GIMAP5: variants seen among roughly 807,000 people sequenced by gnomAD.
GIMAP5 encodes the protein GTPase IMAP family member 5.
GIMAP5 carries 8 observed loss-of-function variants against 9.9 expected under a neutral mutation model. That is an observed-to-expected ratio of 0.81 (90% CI 0.47 to 1.45). The LOEUF (loss-of-function observed/expected upper bound fraction) is 1.45, where lower values mean the gene tolerates loss of function less well. Ranked by LOEUF, GIMAP5 falls within the 40% of genes most tolerant of loss-of-function variation. The probability of loss-of-function intolerance (pLI) is 0.00; values close to 1 mark genes in which losing one functional copy is unlikely to be tolerated. For missense variants in GIMAP5, 353 were observed against 367.4 expected, an observed-to-expected ratio of 0.96 and a Z score of 0.32; for synonymous variants, 174 against 151.4, an observed-to-expected ratio of 1.15 and a Z score of -1.09.
chr7:150,737,529 A>C lies in GIMAP5; in HGVS notation c.-186A>C. 1 of 1,535,610 alleles carries C rather than the reference A, an allele frequency of 6.5e-7. No individual in the cohort carries two copies. Among genetic ancestry groups the C allele is most frequent in the South Asian group, 1.2e-5 (1 of 84,064 alleles). On this transcript the variant is annotated 5_prime_UTR_variant, in exon 1 of 3. Coordinates refer to ENST00000358647, the MANE Select transcript of GIMAP5 (RefSeq NM_018384.5). ...GCTGAGTCATGGAGCTTTCAGCCCC[A>C]GCACATGGCTCCTCCTTAACTGCGT...
intron 2 of GIMAP5, among the ~76,000 whole-genome samples, chr7:150,741,683 G>C (rs1797597143): frequency 6.6e-6 from 1 of 152,182 alleles, no homozygotes; most frequent in African/African-American, 2.4e-5. Flanking sequence ...CTGACCCCCG[G>C]CAGTGGGTCA....
rs904405329 is a variant in GIMAP5, at chr7:150,737,622, C to T, written c.-93C>T. On this transcript the variant is annotated 5_prime_UTR_variant, in exon 1 of 3. Coordinates refer to ENST00000358647, the MANE Select transcript of GIMAP5 (RefSeq NM_018384.5). ...CAGACGCAGAGCAGGACTCTCTCTG[C>T]TGCCACTTCACCTTCCTGAGAGAGG... 22 of 1,535,612 alleles carry T rather than the reference C, an allele frequency of 1.4e-5. No individual in the cohort carries two copies. The South Asian group carries it at 2.6e-4, about 18-fold the overall frequency.
At chr7:150,738,789 A>G (rs1797553595) in intron 1 of GIMAP5, 1 of 152,192 alleles carries the variant, frequency 6.6e-6, no homozygotes, top group South Asian at 2.1e-4. Flanking sequence ...ACATTCCTTC[A>G]AGCCTACGGT....
At chr7:150,742,050 C>G in intron 2 of GIMAP5, 133 bp from the exon 3 acceptor site, 3 of 1,111,070 alleles carry the variant, frequency 2.7e-6, no homozygotes, top group Non-Finnish European at 2.5e-6. Context: ...TGTATGCACA[C>G]TTTTATGTAC....
In GIMAP5 at chr7:150,742,207, C is replaced by A. The variant is rs761418781; in HGVS notation, c.68C>A (p.Ala23Glu). ...AEGRSEDNLSATPPALRIILV... is the reference protein window; with the variant it reads ...AEGRSEDNLSETPPALRIILV... ...GGTAGATCAGAAGATAACTTGTCTG[C>A]AACACCACCGGCATTGAGGATTATC... Residue 23 changes from alanine (A) to glutamate (E), a missense_variant, in exon 3 of 3, where the codon GCA becomes GAA. Transcript: ENST00000358647. 17 of 1,613,820 alleles carry A rather than the reference C, an allele frequency of 1.1e-5. 1 individual carries two copies. In the Middle Eastern group the frequency reaches 4.9e-4, roughly 47 times the overall value.
In GIMAP5 at chr7:150,742,802, T is replaced by G. The variant is rs1451621224; in HGVS notation, c.663T>G (p.Asn221Lys). The G allele has an allele frequency of 3.7e-6, 6 of 1,614,048 alleles. No individual in the cohort carries two copies. Among genetic ancestry groups the G allele is most frequent in the African/African-American group, 1.3e-5 (1 of 74,916 alleles). ...GREREGSFHS[N>K]DLFLDAQLLQ... ...AGCGAGAGGGCTCCTTCCACAGCAA[T>G]GACCTCTTCTTGGATGCCCAGCTGC... The change falls in exon 3 of 3, where the codon AAT becomes AAG. Residue 221 changes from asparagine to lysine, a missense_variant. Asn to Lys is a moderately conservative substitution (Grantham distance 94, BLOSUM62 0). Transcript: ENST00000358647.
chr7:150,742,313 G>A lies in GIMAP5; in HGVS notation c.174G>A (p.Arg58=). ...LGQPVFESKL[R]AQSVTRTCQV... is the part of the protein sequence containing the mutation. ...AGCCCGTGTTTGAGTCCAAGCTGAG[G>A]GCCCAGTCAGTGACCAGGACGTGCC... The change falls in exon 3 of 3, where the codon AGG becomes AGA. Residue 58 remains arginine (R), a synonymous_variant. Coordinates refer to ENST00000358647, the MANE Select transcript of GIMAP5 (RefSeq NM_018384.5). 6.2e-7 allele frequency: 1 copy of A among 1,614,184 alleles called. No individual in the cohort carries two copies. Among genetic ancestry groups the A allele is most frequent in the Non-Finnish European group, 8.5e-7 (1 of 1,180,030 alleles).
intron 1 of GIMAP5, chr7:150,738,355 C>T (rs9657890): frequency 0.38 from 57,385 of 152,480 alleles, 11,761 homozygotes; most frequent in African/African-American, 0.54. Flanking sequence ...CCCTGCCGGA[C>T]GCACACCAAA....
Position 150,743,287 on chromosome 7 carries a change from C to T in GIMAP5, c.*224C>T, listed in dbSNP as rs905891618. The T allele has an allele frequency of 3.7e-6, 2 of 545,706 alleles. No individual in the cohort carries two copies. Among genetic ancestry groups the T allele is most frequent in the Non-Finnish European group, 6.4e-6 (2 of 314,188 alleles). 33.8% of individuals were successfully genotyped at this position (545,706 alleles called of 1,614,324 possible). A position where few individuals can be genotyped will look rare whatever the true frequency, so the allele number is the denominator to read the frequency against. On this transcript the variant is annotated 3_prime_UTR_variant, in exon 3 of 3. Coordinates refer to ENST00000358647, the MANE Select transcript of GIMAP5 (RefSeq NM_018384.5). ...CCACTCTGTCTGCCAACAACTGCTT[C>T]AGGAATGGGCCTGAGATCCCATGCA... is the stretch of plus-strand genomic sequence containing the variant.
chr7:150,741,318 A>T (rs553582580), intron 2 of GIMAP5, among the ~76,000 whole-genome samples: 2 of 152,338 alleles, frequency 1.3e-5, no homozygotes, highest in African/African-American at 4.8e-5. Context: ...ACGAAGAACC[A>T]ACCCAGAGTG....
intron 1 of GIMAP5, 182 bp downstream of exon 1, chr7:150,737,890 G>A: frequency 3.3e-6 from 2 of 609,086 alleles, no homozygotes; most frequent in East Asian, 2.8e-5. Context: ...AGCTGGTGGA[G>A]CACAGCCTGA....
Position 150,737,605 on chromosome 7 carries a change from G to A in GIMAP5, c.-110G>A, listed in dbSNP as rs1399043118. 1.2e-5 allele frequency: 19 copies of A among 1,535,560 alleles called. No individual in the cohort carries two copies. Among genetic ancestry groups the A allele is most frequent in the East Asian group, 7.3e-5 (3 of 40,930 alleles). On this transcript the variant is annotated 5_prime_UTR_variant, in exon 1 of 3. Coordinates refer to ENST00000358647, the MANE Select transcript of GIMAP5 (RefSeq NM_018384.5). ...AACAGCATCCCCGCACACAGACGCA[G>A]AGCAGGACTCTCTCTGCTGCCACTT...
rs1797609157 is a variant in GIMAP5, at chr7:150,742,328, C to G, written c.189C>G (p.Thr63=). 6.2e-7 allele frequency: 1 copy of G among 1,614,158 alleles called. No homozygotes were observed. ...CCAAGCTGAGGGCCCAGTCAGTGACCAGGACGTGCCAGGTGAAAACAGGAA... is the reference window on the plus strand; with the variant it reads ...CCAAGCTGAGGGCCCAGTCAGTGACGAGGACGTGCCAGGTGAAAACAGGAA... ...FESKLRAQSV[T]RTCQVKTGTW... The change falls in exon 3 of 3, where the codon ACC becomes ACG. Residue 63 remains threonine (T), a synonymous_variant. Transcript: ENST00000358647.
In GIMAP5 at chr7:150,743,109, A is replaced by G. The variant is rs756751190; in HGVS notation, c.*46A>G. ...TTCTAATGTATCACCCCATGGAGTCATTGTTCTAATAATCACCAATTCAGA... is the reference window on the plus strand; with the variant it reads ...TTCTAATGTATCACCCCATGGAGTCGTTGTTCTAATAATCACCAATTCAGA... On this transcript the variant is annotated 3_prime_UTR_variant, in exon 3 of 3. Transcript: ENST00000358647. 3.9e-6 allele frequency: 6 copies of G among 1,552,836 alleles called. No individual in the cohort carries two copies. The Admixed American group carries it at 1.1e-4, about 29-fold the overall frequency.
chr7:150,742,444 A>T lies in GIMAP5; in HGVS notation c.305A>T (p.Asp102Val). 2 of 1,614,174 alleles carry T rather than the reference A, an allele frequency of 1.2e-6. No homozygotes were observed. Among genetic ancestry groups the T allele is most frequent in the Non-Finnish European group, 1.7e-6 (2 of 1,180,024 alleles). ...DTQELYKNIG[D>V]CYLLSAPGPH... The stretch of plus-strand genomic sequence containing the variant: ...CAAGAGCTGTACAAGAACATCGGGG[A>T]CTGCTACCTGCTCTCTGCCCCGGGG... Residue 102 changes from aspartate (D) to valine (V), a missense_variant, in exon 3 of 3, where the codon GAC (aspartate) becomes GTC (valine). Asp to Val is a radical substitution (Grantham distance 152). Transcript: ENST00000358647.
intron 2 of GIMAP5, among the ~76,000 whole-genome samples, chr7:150,741,303 A>C (rs1281296199): frequency 1.3e-5 from 2 of 152,240 alleles, no homozygotes; most frequent in Non-Finnish European, 2.9e-5. Context: ...GAATAACTTA[A>C]GAAAACGAAG....
Position 150,737,452 on chromosome 7 carries a change from C to T in GIMAP5, c.-263C>T, listed in dbSNP as rs1165088618. ...CCAGCCAACACCAGGGTGTCCTAGT[C>T]CGCAGAGGTGTGGGGGACACACTCC... On this transcript the variant is annotated 5_prime_UTR_variant, in exon 1 of 3. Coordinates refer to ENST00000358647, the MANE Select transcript of GIMAP5 (RefSeq NM_018384.5). 3 of 1,406,822 alleles carry T rather than the reference C, an allele frequency of 2.1e-6. No homozygotes were observed. In the African/African-American group the frequency reaches 4.3e-5, roughly 20 times the overall value. 87.1% of individuals were successfully genotyped at this position (1,406,822 alleles called of 1,614,324 possible).
rs78221208 is a variant in GIMAP5 at position 150,740,397 on chromosome 7, C to T, written c.-6-482C>T. 7.8e-3 allele frequency: 1,257 copies of T among 162,132 alleles called. 13 individuals are homozygous for T. Among genetic ancestry groups the T allele is most frequent in the African/African-American group, 0.028 (1,149 of 41,608 alleles). 10.0% of individuals were successfully genotyped at this position (162,132 alleles called of 1,614,324 possible). ...CAGTACCTTGTAATTTCCTCTCCGC[C>T]GCTGGAATGTCCATTTGACACAAAG... On this transcript the variant is annotated intron_variant, in intron 1 of 2. Transcript: ENST00000358647.
intron 1 of GIMAP5, chr7:150,739,009 T>C (rs950728367): frequency 1.2e-4 from 19 of 152,374 alleles, no homozygotes; most frequent in African/African-American, 3.8e-4. Context: ...TAACATAGTT[T>C]GACTGGCTTT....
Sources: allele counts gnomAD v4.1 joint callset (sites outside exome capture counted in the v4.1 genomes callset), GRCh38; gene constraint gnomAD v4.1.1; transcripts MANE v1.5; gene names NCBI Gene and HGNC (gene_info 2026-07-23, HGNC 2026-07-21).